ANK3: variants seen among roughly 807,000 people sequenced by gnomAD.
ANK3 encodes ankyrin-3.
Under a neutral mutation model 370.9 loss-of-function variants are expected in ANK3, and 57 were observed. The observed-to-expected ratio is 0.15, with a 90% confidence interval of 0.12 to 0.19. The LOEUF is 0.19. ANK3 is among the 10% of genes least tolerant of loss of function. The pLI is 1.00. For missense variants in ANK3, 4,439 were observed against 5,302.1 expected (o/e 0.84, Z 5.06); for synonymous variants, 1,929 against 1,946.3 (o/e 0.99, Z 0.23).
At chr10:60,448,096 A>T (rs1203171791) in intron 2 of ANK3, among the ~76,000 whole-genome samples, 1 of 152,130 alleles carries the variant, frequency 6.6e-6, no homozygotes, top group Non-Finnish European at 1.5e-5. Context: ...ACTTTCATAC[A>T]CCTGAGAATC....
rs7070866 is a variant in ANK3, at chr10:60,471,511, G to T, written c.96+143675C>A. ...TGCATGGATGTACCAACAGTCATTT[G>T]TTGAATGCCTTATAGGAAGACAAAG... is the stretch of plus-strand genomic sequence containing the variant. On this transcript the variant is annotated intron_variant, in intron 2 of 43. Coordinates refer to the ANK3 transcript ENST00000373827. 6.6e-3 allele frequency among the ~76,000 whole-genome samples: 999 copies of T among 152,178 alleles called. 13 individuals are homozygous for T. Among genetic ancestry groups the T allele is most frequent in the African/African-American group, 0.023 (970 of 41,532 alleles).
chr10:60,416,707 C>CA (rs2063676159), intron 2 of ANK3, among the ~76,000 whole-genome samples: 3 of 152,184 alleles, frequency 2.0e-5, no homozygotes, highest in African/African-American at 7.2e-5. Context: ...TTCTCAGTCA[C>CA]ACTAGCTCAT....
chr10:60,655,622 T>G (rs1000438313), intron 1 of ANK3, among the ~76,000 whole-genome samples: 3 of 151,992 alleles, frequency 2.0e-5, no homozygotes, highest in Non-Finnish European at 4.4e-5. Context: ...TACAGTAAGC[T>G]AAGGTTAATT....
intron 1 of ANK3, among the ~76,000 whole-genome samples, chr10:60,647,957 C>T (rs1219989894): frequency 2.0e-5 from 3 of 151,640 alleles, no homozygotes; most frequent in Admixed American, 1.3e-4. Context: ...AAGTGATTCC[C>T]CTGCCTCAGC....
intron 7 of ANK3, among the ~76,000 whole-genome samples, chr10:60,259,457 T>C (rs1187597551): frequency 1.3e-5 from 2 of 152,200 alleles, no homozygotes; most frequent in Non-Finnish European, 2.9e-5. Context: ...TTTAACATAT[T>C]TTAAACAAAA....
At chr10:60,356,955 C>A (rs890878157) in intron 1 of ANK3, among the ~76,000 whole-genome samples, 1 of 152,172 alleles carries the variant, frequency 6.6e-6, no homozygotes, top group East Asian at 1.9e-4. Flanking sequence ...GTGATCCACC[C>A]GCCTTGGCCT....
At chr10:60,187,067 T>C (rs1357350513) in intron 16 of ANK3, among the ~76,000 whole-genome samples, 155 bp from the exon 17 acceptor site, 1 of 152,228 alleles carries the variant, frequency 6.6e-6, no homozygotes, top group Non-Finnish European at 1.5e-5. Context: ...AAGTGGTACA[T>C]GAATATAGTG....
chr10:60,175,961 C>T (rs142147239), intron 18 of ANK3, among the ~76,000 whole-genome samples: 36 of 152,242 alleles, frequency 2.4e-4, no homozygotes, highest in Middle Eastern at 3.4e-3. Flanking sequence ...ATTATTACCT[C>T]GTGCTGAAAA....
chr10:60,356,003 A>G (rs1473103527), intron 1 of ANK3, among the ~76,000 whole-genome samples: 1 of 152,194 alleles, frequency 6.6e-6, no homozygotes. Context: ...CAAAGATCTT[A>G]ACAGTCTAGT....
intron 1 of ANK3, among the ~76,000 whole-genome samples, chr10:60,352,443 AAAGT>A (rs2057033457): frequency 6.6e-6 from 1 of 152,330 alleles, no homozygotes; most frequent in East Asian, 1.9e-4. Context: ...GGGACTGGCT[AAAGT>A]AAGAGCTCTC....
chr10:60,215,476 GT>G (rs2132466396), intron 8 of ANK3, among the ~76,000 whole-genome samples: 2 of 152,166 alleles, frequency 1.3e-5, no homozygotes, highest in African/African-American at 4.8e-5. Flanking sequence ...TTCTTCTAGG[GT>G]TTTTATGGTT....
intron 1 of ANK3, among the ~76,000 whole-genome samples, chr10:60,670,439 G>A (rs185711678): frequency 6.6e-6 from 1 of 152,016 alleles, no homozygotes; most frequent in East Asian, 1.9e-4. Flanking sequence ...ATCTGAGCTG[G>A]GTTATATATC....
At chr10:60,415,928 C>CG (rs1289825821) in intron 2 of ANK3, among the ~76,000 whole-genome samples, 5 of 129,614 alleles carry the variant, frequency 3.9e-5, no homozygotes, top group Non-Finnish European at 8.5e-5. Flanking sequence ...CCCCCACCCC[C>CG]CCGCCATTCA....
intron 9 of ANK3, among the ~76,000 whole-genome samples, chr10:60,211,687 G>A (rs1197158426): frequency 6.6e-6 from 1 of 152,052 alleles, no homozygotes; most frequent in Non-Finnish European, 1.5e-5. Context: ...ACACATGTGT[G>A]CACTGCAAAG....
intron 24 of ANK3, among the ~76,000 whole-genome samples, chr10:60,137,676 T>C (rs2094417017): frequency 6.6e-6 from 1 of 152,032 alleles, no homozygotes; most frequent in South Asian, 2.1e-4. Context: ...TGGAATTATA[T>C]TAAGAAAAAA....
intron 28 of ANK3, among the ~76,000 whole-genome samples, chr10:60,091,255 A>G (rs909220692): frequency 6.6e-6 from 1 of 152,220 alleles, no homozygotes; most frequent in Non-Finnish European, 1.5e-5. Flanking sequence ...CTCTATGAAT[A>G]AGGGAATGGT....
intron 1 of ANK3, among the ~76,000 whole-genome samples, chr10:60,691,337 T>A (rs748539231): frequency 1.2e-4 from 18 of 152,168 alleles, no homozygotes; most frequent in Non-Finnish European, 1.8e-4. Flanking sequence ...TACTTGAAAT[T>A]GCACTCTGGG....
In ANK3 at chr10:60,279,683, T is replaced by C. The variant is rs1406970458; in HGVS notation, c.115-44A>G. ...ACATTTTGATGAAAAATGAAGCTAA[T>C]ATGCATGTTTATAAACTATCCAGCT... is the stretch of plus-strand genomic sequence containing the variant. On this transcript the variant is annotated intron_variant, in intron 1 of 43. Coordinates refer to ENST00000280772, the MANE Select transcript of ANK3 (RefSeq NM_020987.5). 4.2e-6 allele frequency: 6 copies of C among 1,430,970 alleles called. No individual in the cohort carries two copies. In the African/African-American group the frequency reaches 5.7e-5, roughly 14 times the overall value. 88.6% of individuals were successfully genotyped at this position (1,430,970 alleles called of 1,614,324 possible). A position where few individuals can be genotyped will look rare whatever the true frequency, so the allele number is the denominator to read the frequency against.
intron 2 of ANK3, among the ~76,000 whole-genome samples, chr10:60,404,689 A>T (rs1327709155): frequency 1.3e-5 from 2 of 152,138 alleles, no homozygotes; most frequent in Non-Finnish European, 2.9e-5. Context: ...CAGTATACAG[A>T]ATATAGTAGT....
Sources: allele counts gnomAD v4.1 joint callset (sites outside exome capture counted in the v4.1 genomes callset), GRCh38; gene constraint gnomAD v4.1.1; transcripts MANE v1.5; gene names NCBI Gene and HGNC (gene_info 2026-07-23, HGNC 2026-07-21).